The following DOCK11 variants were observed in gnomAD, a reference collection of about 807,000 sequenced individuals.
The protein encoded by DOCK11 is dedicator of cytokinesis 11.
Under a neutral mutation model 169.1 loss-of-function variants are expected in DOCK11, and 70 were observed. That is an observed-to-expected ratio of 0.41 (90% confidence interval 0.34 to 0.51). The LOEUF (loss-of-function observed/expected upper bound fraction) is 0.51, where lower values mean the gene tolerates loss of function less well. Ranked by LOEUF, DOCK11 falls within the 20% of genes least tolerant of loss-of-function variation. The pLI is 0.10. For synonymous variants in DOCK11, 529 were observed against 541.3 expected, an observed-to-expected ratio of 0.98 and a Z score of 0.32; for missense variants, 1,166 against 1,538.8, an observed-to-expected ratio of 0.76 and a Z score of 4.05.
chrX:118,603,649 C>A (rs1292624298), intron 23 of DOCK11, among the ~76,000 whole-genome samples: 1 of 112,342 alleles, frequency 8.9e-6, no homozygotes, highest in East Asian at 2.8e-4. Context: ...CCCCTGTACA[C>A]TGTGAACTAC....
chrX:118,603,553 C>T (rs2014405520), intron 23 of DOCK11, among the ~76,000 whole-genome samples: 1 of 112,139 alleles, frequency 8.9e-6, no homozygotes, highest in South Asian at 3.7e-4. Flanking sequence ...CACTTGCACA[C>T]TCAGTTGCTT....
At chrX:118,561,633 C>A in intron 7 of DOCK11, 116 bp downstream of exon 7, 2 of 759,016 alleles carry the variant, frequency 2.6e-6, no homozygotes, top group Non-Finnish European at 3.6e-6. Context: ...CTTTGAGAGG[C>A]TGAGGCAGGA....
chrX:118,656,901 C>T (rs753810682), intron 44 of DOCK11, among the ~76,000 whole-genome samples: 19 of 111,639 alleles, frequency 1.7e-4, no homozygotes, highest in African/African-American at 6.2e-4. Context: ...CACTGCACTC[C>T]AGCCTGGGCA....
chrX:118,572,190 A>C (rs966116203), intron 10 of DOCK11, 133 bp from the exon 11 acceptor site: 15 of 532,675 alleles, frequency 2.8e-5, no homozygotes, highest in African/African-American at 1.6e-4. Context: ...AGCTTGTTAG[A>C]TGAAAACATA....
At chrX:118,620,807 G>T (rs1318717690) in intron 31 of DOCK11, among the ~76,000 whole-genome samples, 2 of 112,133 alleles carry the variant, frequency 1.8e-5, no homozygotes, top group Non-Finnish European at 3.8e-5. Flanking sequence ...CTTATGCCAC[G>T]TGGAGGAAAA....
chrX:118,504,615 G>A (rs2057598289), intron 1 of DOCK11, among the ~76,000 whole-genome samples: 1 of 112,085 alleles, frequency 8.9e-6, no homozygotes, highest in South Asian at 3.7e-4. Flanking sequence ...CTACATGAGG[G>A]TACAGCTCGA....
chrX:118,602,690 A>G (rs372895366), intron 23 of DOCK11, among the ~76,000 whole-genome samples: 2 of 110,591 alleles, frequency 1.8e-5, no homozygotes, highest in African/African-American at 6.6e-5. Context: ...ACAGGCATGC[A>G]CCAATATGCC....
intron 6 of DOCK11, among the ~76,000 whole-genome samples, chrX:118,554,315 T>C (rs865851792): frequency 1.8e-5 from 2 of 111,601 alleles, no homozygotes; most frequent in Non-Finnish European, 3.8e-5. Context: ...TTTGGGAGGC[T>C]GAGGTGGGCT....
At chrX:118,514,144 C>G (rs759177080) in intron 1 of DOCK11, among the ~76,000 whole-genome samples, 2 of 109,807 alleles carry the variant, frequency 1.8e-5, no homozygotes, top group Admixed American at 1.9e-4. Context: ...CTGACCTTTC[C>G]CCTGCCTGCA....
At chrX:118,499,956 A>G (rs754594986) in intron 1 of DOCK11, among the ~76,000 whole-genome samples, 1 of 111,462 alleles carries the variant, frequency 9.0e-6, no homozygotes, top group East Asian at 2.8e-4. Flanking sequence ...AAATAGGAAA[A>G]TTTGTTTTCT....
intron 28 of DOCK11, among the ~76,000 whole-genome samples, chrX:118,614,238 A>G (rs766903720): frequency 9.0e-6 from 1 of 111,678 alleles, no homozygotes; most frequent in East Asian, 2.8e-4. Context: ...TGAATTATTA[A>G]TATTTACATA....
chrX:118,657,812 A>G, intron 44 of DOCK11, among the ~76,000 whole-genome samples: 1 of 110,955 alleles, frequency 9.0e-6, no homozygotes, highest in East Asian at 2.8e-4. Context: ...TAAGAATGAT[A>G]TAATGGACTT....
chrX:118,632,975 G>A (rs1225232780), intron 35 of DOCK11: 1 of 83,317 alleles, frequency 1.2e-5, no homozygotes, highest in Admixed American at 1.3e-4. Context: ...GCGGTGGGGG[G>A]GGGGGTGAGG....
intron 31 of DOCK11, among the ~76,000 whole-genome samples, chrX:118,619,266 G>A (rs2014901939): frequency 9.4e-6 from 1 of 106,390 alleles, no homozygotes; most frequent in African/African-American, 3.4e-5. Flanking sequence ...TTGAGGCCAG[G>A]AGTTTGAGAC....
rs758770564 is a variant in DOCK11, at chrX:118,593,224, A to C, written c.2150A>C (p.Glu717Ala). The C allele has an allele frequency of 8.4e-7, 1 of 1,196,090 alleles. No homozygotes were observed. The highest frequency in any genetic ancestry group is 1.9e-5 in the South Asian group (1 of 53,385). The change falls in exon 20 of 53, where the codon GAG becomes GCG. Residue 717 changes from glutamate to alanine, a missense_variant. Physicochemically the swap from Glu to Ala is moderately radical, Grantham distance 107 (BLOSUM62 -1). Transcript: ENST00000276202. Reference protein sequence around the residue: ...NPEFYDEIKIELPIHLHQKHH... With the variant: ...NPEFYDEIKIALPIHLHQKHH... ...TTGCTTTCATTTCAGATTAAAATTG[A>C]GCTTCCCATTCACCTACATCAAAAA... is the stretch of plus-strand genomic sequence containing the variant.
chrX:118,677,490 A>G (rs1335467294), intron 48 of DOCK11, among the ~76,000 whole-genome samples: 5 of 112,299 alleles, frequency 4.5e-5, no homozygotes, highest in African/African-American at 1.3e-4. Flanking sequence ...AAGCTCATAT[A>G]AAGTTCAAGA....
intron 7 of DOCK11, among the ~76,000 whole-genome samples, chrX:118,561,727 T>C (rs751478880): frequency 9.1e-6 from 1 of 110,167 alleles, no homozygotes; most frequent in Admixed American, 9.7e-5. Context: ...TACCCAGGCA[T>C]GGTGGCACAT....
intron 3 of DOCK11, 132 bp from the exon 4 acceptor site, chrX:118,543,379 A>G (rs1348478181): frequency 2.1e-6 from 1 of 483,980 alleles, no homozygotes; most frequent in Admixed American, 3.7e-5. Context: ...GTTAACCCAT[A>G]AAGGAAGATC....
chrX:118,504,175 C>T (rs993431702), intron 1 of DOCK11, among the ~76,000 whole-genome samples: 2 of 109,706 alleles, frequency 1.8e-5, no homozygotes, highest in African/African-American at 6.6e-5. Flanking sequence ...CTCTTAAGAT[C>T]CTTAACGTTT....
Sources: allele counts gnomAD v4.1 joint callset (sites outside exome capture counted in the v4.1 genomes callset), GRCh38; gene constraint gnomAD v4.1.1; transcripts MANE v1.5; gene names NCBI Gene and HGNC (gene_info 2026-07-23, HGNC 2026-07-21).